The following UBOX5 variants were observed in gnomAD, a reference collection of about 807,000 sequenced individuals.
UBOX5 encodes RING finger protein 37.
A neutral mutation model predicts 39.0 loss-of-function variants in UBOX5; 28 were observed. The observed-to-expected ratio is 0.72, with a 90% CI of 0.53 to 0.98. The LOEUF (loss-of-function observed/expected upper bound fraction) is 0.98. UBOX5 is among the 50% of genes least tolerant of loss of function. The pLI is 0.00. For synonymous variants in UBOX5, 283 were observed against 275.5 expected (o/e 1.03, Z -0.27); for missense variants, 585 against 674.4 (o/e 0.87, Z 1.47).
chr20:3,113,530 G>T (rs554673333), intron 4 of UBOX5, among the ~76,000 whole-genome samples: 9 of 151,928 alleles, frequency 5.9e-5, no homozygotes, highest in African/African-American at 1.7e-4. Context: ...GGCGAGGATG[G>T]GGGGATACCA....
At chr20:3,148,540 C>T in intron 1 of UBOX5, 1 of 1,614,128 alleles carries the variant, frequency 6.2e-7, no homozygotes, top group Non-Finnish European at 8.5e-7. Flanking sequence ...AGACAGGATG[C>T]TGCTCTGCAG....
Position 3,122,079 on chromosome 20 carries a change from C to A in UBOX5, c.560G>T (p.Cys187Phe), listed in dbSNP as rs867508374. 1 of 1,614,250 alleles carries A rather than the reference C, an allele frequency of 6.2e-7. No homozygotes were observed. Among genetic ancestry groups the A allele is most frequent in the Non-Finnish European group, 8.5e-7 (1 of 1,180,046 alleles). The change falls in exon 3 of 5, where the codon TGT becomes TTT. Residue 187 changes from cysteine to phenylalanine, a missense_variant. Physicochemically the swap from Cys to Phe is radical, Grantham distance 205 (BLOSUM62 -2). Coordinates refer to ENST00000217173, the MANE Select transcript of UBOX5 (RefSeq NM_014948.4). Reference protein sequence around the residue: ...ITHVTGGGIPCIKRLEVWGQP... With the variant: ...ITHVTGGGIPFIKRLEVWGQP... ...ACCCCACACTTCCAACCGCTTGATA[C>A]AAGGGATACCGCCGCCTGTCACATG...
intron 4 of UBOX5, 72 bp downstream of exon 4, chr20:3,115,233 G>C (rs551320217): frequency 6.6e-7 from 1 of 1,506,228 alleles, no homozygotes; most frequent in Non-Finnish European, 8.9e-7. Context: ...CCAGGGACTC[G>C]GCCCAGCATC....
chr20:3,144,146 G>T (rs1163626002), intron 1 of UBOX5, among the ~76,000 whole-genome samples: 3 of 152,098 alleles, frequency 2.0e-5, no homozygotes, highest in Non-Finnish European at 2.9e-5. Flanking sequence ...CCTATCAAAA[G>T]CCCAAAGGCT....
intron 1 of UBOX5, among the ~76,000 whole-genome samples, chr20:3,129,709 A>G (rs2066415238): frequency 1.3e-5 from 2 of 152,234 alleles, no homozygotes; most frequent in Admixed American, 6.5e-5. Context: ...TTGGAGACCC[A>G]TAAGAAAATT....
At chr20:3,142,316 AT>A (rs891249670) in intron 1 of UBOX5, among the ~76,000 whole-genome samples, 1 of 151,816 alleles carries the variant, frequency 6.6e-6, no homozygotes, top group Non-Finnish European at 1.5e-5. Flanking sequence ...ACAAAAAAAA[AT>A]TGGCCAGGCA....
At position 3,109,625 on chromosome 20, in the gene UBOX5, C is replaced by T. The variant is rs1037332231; in HGVS notation, c.*481G>A. 1.1e-5 allele frequency: 2 copies of T among 181,940 alleles called. No individual in the cohort carries two copies. The highest frequency in any genetic ancestry group is 2.4e-5 in the Non-Finnish European group (2 of 84,384). 11.3% of individuals were successfully genotyped at this position (181,940 alleles called of 1,614,324 possible). ...GAAACCCACAGCAGACGTCAACCAT[C>T]GCTTTATTAAGGCTGCGAGTCGGGG... On this transcript the variant is annotated 3_prime_UTR_variant, in exon 5 of 5. Transcript: ENST00000217173.
At chr20:3,140,563 C>G (rs1401777047) in intron 1 of UBOX5, among the ~76,000 whole-genome samples, 2 of 152,184 alleles carry the variant, frequency 1.3e-5, no homozygotes, top group Non-Finnish European at 2.9e-5. Flanking sequence ...CCTACTCCAT[C>G]TGCTCTTGCT....
At chr20:3,118,039 C>T (rs1401711789) in intron 3 of UBOX5, among the ~76,000 whole-genome samples, 1 of 151,824 alleles carries the variant, frequency 6.6e-6, no homozygotes, top group Non-Finnish European at 1.5e-5. Context: ...TGGTGCTGTG[C>T]GCCTGTAGTC....
Position 3,121,674 on chromosome 20 carries a change from G to A in UBOX5, c.965C>T (p.Pro322Leu), listed in dbSNP as rs994240816. The part of the protein sequence containing the change: ...FTPHSQPLPH[P>L]SLKARIDHFL... ...ATGGTCAATCCGGGCCTTGAGGGAG[G>A]GGTGAGGCAGGGGCTGAGAGTGCGG... Residue 322 changes from proline to leucine, a missense_variant, in exon 3 of 5, where the codon CCC (proline) becomes CTC (leucine). Coordinates refer to ENST00000217173, the MANE Select transcript of UBOX5 (RefSeq NM_014948.4). The A allele has an allele frequency of 6.2e-7, 1 of 1,613,772 alleles. No individual in the cohort carries two copies. The highest frequency in any genetic ancestry group is 8.5e-7 in the Non-Finnish European group (1 of 1,180,002).
At chr20:3,127,389 G>A (rs1330129567) in intron 1 of UBOX5, among the ~76,000 whole-genome samples, 1 of 152,086 alleles carries the variant, frequency 6.6e-6, no homozygotes, top group Non-Finnish European at 1.5e-5. Flanking sequence ...ATCTGTCATG[G>A]GCCTTGTAAA....
chr20:3,113,119 C>CAA (rs34287965), intron 4 of UBOX5, among the ~76,000 whole-genome samples: 6 of 121,976 alleles, frequency 4.9e-5, no homozygotes, highest in Admixed American at 8.5e-5. Flanking sequence ...ACTAAATATA[C>CAA]AAAAAAAAAA....
At chr20:3,145,218 T>G (rs1284225336) in intron 1 of UBOX5, among the ~76,000 whole-genome samples, 3 of 151,534 alleles carry the variant, frequency 2.0e-5, no homozygotes, top group African/African-American at 7.3e-5. Flanking sequence ...ACTGACACAA[T>G]CACAGCTCTC....
intron 1 of UBOX5, among the ~76,000 whole-genome samples, chr20:3,136,412 G>A (rs1568476896): frequency 6.6e-6 from 1 of 151,892 alleles, no homozygotes; most frequent in Non-Finnish European, 1.5e-5. Flanking sequence ...GGAGTGCAGT[G>A]GCACAATCTC....
intron 1 of UBOX5, among the ~76,000 whole-genome samples, chr20:3,145,528 C>T (rs1278970614): frequency 6.6e-6 from 1 of 151,588 alleles, no homozygotes; most frequent in Non-Finnish European, 1.5e-5. Context: ...CAGCCTCAAC[C>T]TCCCAGGCTC....
intron 4 of UBOX5, chr20:3,110,810 C>A (rs2066247805): frequency 2.5e-5 from 4 of 158,242 alleles, no homozygotes; most frequent in East Asian, 1.7e-4. Flanking sequence ...CCAGCCTGGG[C>A]AACATAGTGA....
At chr20:3,112,978 A>G (rs2066264911) in intron 4 of UBOX5, among the ~76,000 whole-genome samples, 1 of 150,954 alleles carries the variant, frequency 6.6e-6, no homozygotes, top group Non-Finnish European at 1.5e-5. Context: ...AAAGAAAAGA[A>G]AAAGACACAG....
intron 1 of UBOX5, among the ~76,000 whole-genome samples, chr20:3,130,751 T>C (rs934573713): frequency 1.3e-5 from 2 of 152,056 alleles, no homozygotes; most frequent in African/African-American, 2.4e-5. Context: ...TGAACTCTTA[T>C]TGATTTTAAC....
intron 1 of UBOX5, among the ~76,000 whole-genome samples, chr20:3,125,607 G>GCCA (rs2066379513): frequency 3.1e-5 from 4 of 127,018 alleles, no homozygotes; most frequent in East Asian, 2.7e-4. Context: ...CTGCCCGGCC[G>GCCA]CCCATCGTCT....
Sources: allele counts gnomAD v4.1 joint callset (sites outside exome capture counted in the v4.1 genomes callset), GRCh38; gene constraint gnomAD v4.1.1; transcripts MANE v1.5; gene names NCBI Gene and HGNC (gene_info 2026-07-23, HGNC 2026-07-21).